The following ARL15 variants were observed in gnomAD, a reference collection of about 807,000 sequenced individuals.
ARL15 encodes the protein ARF like GTPase 15.
ARL15 carries 19 observed loss-of-function variants against 25.2 expected under a neutral mutation model. The observed-to-expected ratio is 0.75, with a 90% CI of 0.53 to 1.10. The LOEUF is 1.10. ARL15 is among the 50% of genes least tolerant of loss of function. ARL15 has a pLI of 0.00. For missense variants in ARL15, 220 were observed against 246.0 expected, an observed-to-expected ratio of 0.89 and a Z score of 0.71; for synonymous variants, 94 against 86.8, an observed-to-expected ratio of 1.08 and a Z score of -0.46.
At chr5:53,891,913 A>G (rs1335261668) in intron 4 of ARL15, among the ~76,000 whole-genome samples, 1 of 152,198 alleles carries the variant, frequency 6.6e-6, no homozygotes, top group African/African-American at 2.4e-5. Flanking sequence ...TCCACTGAAG[A>G]CACGATGCTG....
chr5:54,132,591 T>A (rs1753472600), intron 3 of ARL15, among the ~76,000 whole-genome samples: 1 of 152,194 alleles, frequency 6.6e-6, no homozygotes, highest in South Asian at 2.1e-4. Context: ...TAAGTGAAAG[T>A]AAGTTTATTA....
chr5:54,152,474 G>A (rs1211321741), intron 3 of ARL15, among the ~76,000 whole-genome samples: 1 of 152,158 alleles, frequency 6.6e-6, no homozygotes, highest in East Asian at 1.9e-4. Context: ...GCTTGCCCCC[G>A]AGCATGTGAC....
intron 4 of ARL15, among the ~76,000 whole-genome samples, chr5:54,053,311 A>G (rs1750756899): frequency 6.6e-6 from 1 of 152,198 alleles, no homozygotes; most frequent in Non-Finnish European, 1.5e-5. Context: ...ACATAAGTAA[A>G]TAATTGAATA....
intron 4 of ARL15, among the ~76,000 whole-genome samples, chr5:53,987,806 T>TA (rs1324848442): frequency 3.3e-5 from 5 of 151,958 alleles, no homozygotes; most frequent in Admixed American, 1.3e-4. Flanking sequence ...AAATTAAAAT[T>TA]AAAAAATAAT....
At chr5:53,901,605 ATTCTT>A (rs1745066499) in intron 4 of ARL15, among the ~76,000 whole-genome samples, 2 of 95,952 alleles carry the variant, frequency 2.1e-5, no homozygotes, top group African/African-American at 8.2e-5. Context: ...CATGAAATTG[ATTCTT>A]TTAAGTTTTT....
chr5:54,101,149 G>C (rs1384723595), intron 4 of ARL15, among the ~76,000 whole-genome samples: 2 of 151,990 alleles, frequency 1.3e-5, no homozygotes, highest in Non-Finnish European at 2.9e-5. Flanking sequence ...TGAGAGAAGA[G>C]TTGTTATTCT....
rs570766402 is a variant in ARL15, at chr5:54,132,579, C to T, written c.254-19169G>A. Reference sequence around the variant, plus strand: ...CTAAAATTATATGGTACTTTTTTTTCTTAAGTGAAAGTAAGTTTATTAAGA... The same window carrying T: ...CTAAAATTATATGGTACTTTTTTTTTTTAAGTGAAAGTAAGTTTATTAAGA... On this transcript the variant is annotated intron_variant, in intron 3 of 4. Coordinates refer to ENST00000504924, the MANE Select transcript of ARL15 (RefSeq NM_019087.3). Among the ~76,000 whole-genome samples the T allele has an allele frequency of 1.6e-3, 247 of 151,096 alleles. 2 individuals are homozygous for T. The highest frequency in any genetic ancestry group is 8.1e-3 in the Admixed American group (123 of 15,238).
intron 1 of ARL15, among the ~76,000 whole-genome samples, chr5:54,279,479 G>C (rs1006187406): frequency 5.3e-5 from 8 of 152,014 alleles, no homozygotes; most frequent in African/African-American, 1.9e-4. Context: ...CAAGCCCTTC[G>C]GTGTCTCTTC....
At chr5:53,974,810 TGA>T (rs969999834) in intron 4 of ARL15, among the ~76,000 whole-genome samples, 2 of 152,200 alleles carry the variant, frequency 1.3e-5, no homozygotes, top group Admixed American at 1.3e-4. Flanking sequence ...GGTTGAATCT[TGA>T]GAGAGCCCTT....
chr5:54,060,382 C>T (rs1751027010), intron 4 of ARL15, among the ~76,000 whole-genome samples: 3 of 152,164 alleles, frequency 2.0e-5, no homozygotes, highest in African/African-American at 4.8e-5. Context: ...TTGCAGTGAG[C>T]CCAGATCCTG....
At chr5:53,915,252 G>C (rs1343739926) in intron 4 of ARL15, among the ~76,000 whole-genome samples, 2 of 152,218 alleles carry the variant, frequency 1.3e-5, no homozygotes, top group Admixed American at 6.5e-5. Context: ...TGGGCAGGAT[G>C]ATCTATAGTT....
At chr5:54,151,006 G>T (rs1240591385) in intron 3 of ARL15, among the ~76,000 whole-genome samples, 2 of 152,096 alleles carry the variant, frequency 1.3e-5, no homozygotes, top group Non-Finnish European at 2.9e-5. Context: ...AGGCACAAGA[G>T]CTCAGACTGA....
intron 4 of ARL15, among the ~76,000 whole-genome samples, chr5:54,008,804 C>T (rs1580165856): frequency 6.6e-6 from 1 of 152,276 alleles, no homozygotes; most frequent in East Asian, 1.9e-4. Flanking sequence ...CTTCTTTCCT[C>T]TGGTAGATTA....
At chr5:53,962,701 G>A (rs1747411086) in intron 4 of ARL15, among the ~76,000 whole-genome samples, 3 of 152,076 alleles carry the variant, frequency 2.0e-5, no homozygotes, top group Admixed American at 2.0e-4. Context: ...GATGTGAACA[G>A]ATTTCATCAT....
chr5:54,213,359 C>T (rs778800982), intron 1 of ARL15, among the ~76,000 whole-genome samples: 1 of 152,156 alleles, frequency 6.6e-6, no homozygotes, highest in Non-Finnish European at 1.5e-5. Flanking sequence ...TGAGGATGCT[C>T]GAGTCACCCC....
intron 4 of ARL15, among the ~76,000 whole-genome samples, chr5:54,013,428 T>C (rs943730352): frequency 1.3e-5 from 2 of 152,210 alleles, no homozygotes; most frequent in African/African-American, 4.8e-5. Flanking sequence ...ATTTTAACTT[T>C]GAAACAATGA....
rs570306066 is a variant in ARL15 at position 54,209,799 on chromosome 5, T to C, written c.49-37871A>G. On this transcript the variant is annotated intron_variant, in intron 1 of 4. Transcript: ENST00000504924. ...ACAGTTACTTGCAAAGTCAACATTC[T>C]TCCAGAGTGTTTGAAACTGACAGCC... is the stretch of plus-strand genomic sequence containing the variant. Among the ~76,000 whole-genome samples, 18 of 152,302 alleles carry C rather than the reference T, an allele frequency of 1.2e-4. 1 individual carries two copies. The South Asian group carries it at 3.5e-3, about 30-fold the overall frequency.
At chr5:53,994,749 T>A (rs1350695398) in intron 4 of ARL15, among the ~76,000 whole-genome samples, 2 of 152,132 alleles carry the variant, frequency 1.3e-5, no homozygotes, top group African/African-American at 4.8e-5. Context: ...TGTTTTAAAA[T>A]TTTTTTTAAA....
At chr5:53,912,442 A>T (rs960606086) in intron 4 of ARL15, among the ~76,000 whole-genome samples, 4 of 152,212 alleles carry the variant, frequency 2.6e-5, no homozygotes, top group Non-Finnish European at 5.9e-5. Flanking sequence ...AACTTTAGGT[A>T]CTTATAATAG....
Sources: allele counts gnomAD v4.1 joint callset (sites outside exome capture counted in the v4.1 genomes callset), GRCh38; gene constraint gnomAD v4.1.1; transcripts MANE v1.5; gene names NCBI Gene and HGNC (gene_info 2026-07-23, HGNC 2026-07-21).